The following MLIP variants were observed in gnomAD, a reference collection of about 807,000 sequenced individuals.
MLIP encodes muscular LMNA interacting protein.
Under a neutral mutation model 84.8 loss-of-function variants are expected in MLIP, and 79 were observed. The observed-to-expected ratio is 0.93, with a 90% CI of 0.78 to 1.12. The LOEUF is 1.12. MLIP is among the 50% of genes most tolerant of loss of function. The probability of loss-of-function intolerance (pLI) is 0.00; values close to 1 mark genes in which losing one functional copy is unlikely to be tolerated. For synonymous variants in MLIP, 504 were observed against 463.0 expected, an observed-to-expected ratio of 1.09 and a Z score of -1.14; for missense variants, 1,257 against 1,160.6, an observed-to-expected ratio of 1.08 and a Z score of -1.21.
chr6:54,174,760 C>T (rs1010845097), intron 9 of MLIP, among the ~76,000 whole-genome samples: 1 of 151,818 alleles, frequency 6.6e-6, no homozygotes, highest in Non-Finnish European at 1.5e-5. Flanking sequence ...GATGTGATCC[C>T]ATTTGTCCAT....
intron 12 of MLIP, among the ~76,000 whole-genome samples, chr6:54,233,824 G>C (rs1029703338): frequency 6.6e-6 from 1 of 152,172 alleles, no homozygotes; most frequent in African/African-American, 2.4e-5. Context: ...CAGTGTAAAA[G>C]ATTTCTTCTC....
chr6:54,030,808 C>A (rs548588776), intron 1 of MLIP: 1 of 152,042 alleles, frequency 6.6e-6, no homozygotes, highest in South Asian at 2.1e-4. Flanking sequence ...ATTTACCTAC[C>A]TACAGGCCAG....
At chr6:54,051,159 A>C (rs183631653) in intron 1 of MLIP, among the ~76,000 whole-genome samples, 18 of 151,724 alleles carry the variant, frequency 1.2e-4, no homozygotes, top group African/African-American at 4.1e-4. Context: ...CGAGCAGTCT[A>C]CTAGTATAAA....
chr6:54,238,558 G>T (rs78991949), intron 12 of MLIP, among the ~76,000 whole-genome samples: 13,512 of 152,174 alleles, frequency 0.089, 744 homozygotes, highest in East Asian at 0.21. Flanking sequence ...TGCCAAGTTT[G>T]CACCAGCAAA....
chr6:54,182,520 AT>A (rs1158816205), intron 9 of MLIP, among the ~76,000 whole-genome samples: 1 of 152,148 alleles, frequency 6.6e-6, no homozygotes, highest in Non-Finnish European at 1.5e-5. Flanking sequence ...GTGGTTTTCT[AT>A]GTGTAGATAG....
chr6:54,095,454 T>TC (rs1321318378), intron 1 of MLIP, among the ~76,000 whole-genome samples: 1 of 152,000 alleles, frequency 6.6e-6, no homozygotes. Flanking sequence ...GTGCTTTTTT[T>TC]CCCCACTGTT....
At chr6:54,191,612 T>C (rs1428845355) in intron 10 of MLIP, among the ~76,000 whole-genome samples, 1 of 152,154 alleles carries the variant, frequency 6.6e-6, no homozygotes, top group Admixed American at 6.5e-5. Context: ...AATTTCTTAA[T>C]TGAAAGTGAG....
At chr6:54,077,112 G>C (rs192467190) in intron 1 of MLIP, among the ~76,000 whole-genome samples, 15 of 152,176 alleles carry the variant, frequency 9.9e-5, no homozygotes, top group Non-Finnish European at 1.9e-4. Flanking sequence ...CAGTGTTTTA[G>C]ACTTTATATC....
Position 54,257,289 on chromosome 6 carries a change from G to A in MLIP, c.2923-19G>A. Reference sequence around the variant, plus strand: ...TCACTTCTACTCCTGATCATATCCTGGGCATCTTTTCTGTGAAGCTGAGTC... The same window carrying A: ...TCACTTCTACTCCTGATCATATCCTAGGCATCTTTTCTGTGAAGCTGAGTC... On this transcript the variant is annotated intron_variant, in intron 12 of 13. Coordinates refer to ENST00000502396, the MANE Select transcript of MLIP (RefSeq NM_001281747.2). The A allele has an allele frequency of 6.2e-7, 1 of 1,600,478 alleles. No homozygotes were observed. The highest frequency in any genetic ancestry group is 8.5e-7 in the Non-Finnish European group (1 of 1,169,674).
chr6:54,228,655 G>T (rs564665135), intron 11 of MLIP, among the ~76,000 whole-genome samples: 1 of 152,280 alleles, frequency 6.6e-6, no homozygotes, highest in Middle Eastern at 3.4e-3. Context: ...ACTTGATTCC[G>T]CCAGATAAGC....
At chr6:54,251,637 ATT>A (rs1168117661) in intron 12 of MLIP, among the ~76,000 whole-genome samples, 1 of 87,688 alleles carries the variant, frequency 1.1e-5, no homozygotes, top group Non-Finnish European at 2.1e-5. Context: ...AAATATATAT[ATT>A]ATAACATATA....
intron 1 of MLIP, chr6:54,046,686 T>A (rs1368814772): frequency 6.6e-6 from 1 of 152,164 alleles, no homozygotes; most frequent in Non-Finnish European, 1.5e-5. Context: ...TCAAATACTA[T>A]CATGATCACA....
chr6:54,137,371 A>C lies in MLIP; in HGVS notation c.1302A>C (p.Ala434=). Residue 434 remains alanine (A), a synonymous_variant, in exon 4 of 14, where the codon GCA becomes GCC. Coordinates refer to ENST00000502396, the MANE Select transcript of MLIP (RefSeq NM_001281747.2). ...CCCACCAAAGACCCTTTTCCCCTGCATCCTGTCCCACCTTCTCTCTCAACT... is the reference window on the plus strand; with the variant it reads ...CCCACCAAAGACCCTTTTCCCCTGCCTCCTGTCCCACCTTCTCTCTCAACT... ...NPSHQRPFSP[A]SCPTFSLNSP... is the part of the protein sequence containing the mutation. 4 of 1,535,962 alleles carry C rather than the reference A, an allele frequency of 2.6e-6. No homozygotes were observed. Among genetic ancestry groups the C allele is most frequent in the Non-Finnish European group, 1.7e-6 (2 of 1,146,872 alleles).
intron 8 of MLIP, among the ~76,000 whole-genome samples, chr6:54,161,059 G>C (rs945219465): frequency 2.0e-5 from 3 of 151,676 alleles, no homozygotes; most frequent in African/African-American, 7.3e-5. Flanking sequence ...TATTTCTGTG[G>C]GTCCAGTTCA....
At chr6:54,241,518 C>T (rs1562096958) in intron 12 of MLIP, among the ~76,000 whole-genome samples, 1 of 151,944 alleles carries the variant, frequency 6.6e-6, no homozygotes, top group Non-Finnish European at 1.5e-5. Context: ...TTCTGGTATG[C>T]TACTTCAGCT....
intron 10 of MLIP, among the ~76,000 whole-genome samples, chr6:54,201,708 A>C (rs1270908851): frequency 6.6e-6 from 1 of 152,158 alleles, no homozygotes; most frequent in Non-Finnish European, 1.5e-5. Flanking sequence ...TTTCCAGAAA[A>C]AGAAAGTTGT....
chr6:54,134,000 AAG>A (rs149423596), intron 3 of MLIP, among the ~76,000 whole-genome samples: 2,202 of 152,290 alleles, frequency 0.014, 55 homozygotes, highest in African/African-American at 0.049. Context: ...ATAAATGGTA[AAG>A]AAAACCTAGA....
intron 12 of MLIP, among the ~76,000 whole-genome samples, chr6:54,249,734 C>T (rs9395922): frequency 0.17 from 21,837 of 127,206 alleles, 2,025 homozygotes; most frequent in African/African-American, 0.29. Context: ...CACACACACA[C>T]ATATATATAT....
chr6:54,197,154 G>A (rs936839594), intron 10 of MLIP, among the ~76,000 whole-genome samples: 1 of 152,018 alleles, frequency 6.6e-6, no homozygotes, highest in Non-Finnish European at 1.5e-5. Flanking sequence ...CAGCACCCTT[G>A]TAGGCATTGC....
Sources: allele counts gnomAD v4.1 joint callset (sites outside exome capture counted in the v4.1 genomes callset), GRCh38; gene constraint gnomAD v4.1.1; transcripts MANE v1.5; gene names NCBI Gene and HGNC (gene_info 2026-07-23, HGNC 2026-07-21).